Variants in MIER1 observed in about 807,000 individuals in gnomAD.
MIER1 encodes the protein MIER1 transcriptional regulator.
Under a neutral mutation model 75.7 loss-of-function variants are expected in MIER1, and 40 were observed. The observed-to-expected ratio is 0.53, with a 90% CI of 0.41 to 0.69. MIER1 has a LOEUF of 0.69. Ranked by LOEUF, MIER1 falls within the 30% of genes least tolerant of loss-of-function variation. MIER1 has a pLI of 0.00. For missense variants in MIER1, 574 were observed against 680.2 expected (o/e 0.84, Z 1.74); for synonymous variants, 213 against 223.4 (o/e 0.95, Z 0.42).
intron 2 of MIER1, chr1:66,929,158 A>T: frequency 1.6e-6 from 1 of 633,886 alleles, no homozygotes; most frequent in Non-Finnish European, 2.8e-6. Flanking sequence ...TAAGTTAAGT[A>T]TTAACTTTAA....
intron 4 of MIER1, 117 bp from the exon 5 acceptor site, chr1:66,957,942 C>A: frequency 9.8e-6 from 5 of 512,780 alleles, no homozygotes; most frequent in Non-Finnish European, 1.6e-5. Context: ...TCCGAGAATT[C>A]GTAACACAGC....
At chr1:66,925,446 A>T (rs767595674) in intron 1 of MIER1, 55 of 985,120 alleles carry the variant, frequency 5.6e-5, no homozygotes, top group Non-Finnish European at 6.3e-5. Context: ...TAAGCTGACC[A>T]CCCTGCTGTG....
Position 66,976,619 on chromosome 1 carries a change from T to C in MIER1, c.1126T>C (p.Cys376Arg). ...GGTCCGAACAAGGTCAGTTGGTGAA[T>C]GTGTAGCATTCTATTACATGTGGAA... ...NKVRTRSVGE[C>R]VAFYYMWKKS... Residue 376 changes from cysteine (C) to arginine (R), a missense_variant, in exon 12 of 14, where the codon TGT becomes CGT. By Grantham distance (180) the Cys-to-Arg change is radical. Transcript: ENST00000401041. The C allele has an allele frequency of 6.2e-7, 1 of 1,601,422 alleles. No homozygotes were observed. The highest frequency in any genetic ancestry group is 8.5e-7 in the Non-Finnish European group (1 of 1,175,104).
chr1:66,958,220 A>ATCAAAATAAAAG lies in MIER1; in HGVS notation c.501_501+1insTCAAAATAAAAG (p.Lys167_Glu168insSerLysTer), dbSNP rs757472477. On this transcript the variant is annotated stop_gained and inframe_insertion and splice_region_variant. Coordinates refer to ENST00000401041, the MANE Select transcript of MIER1 (RefSeq NM_001077700.3). LOFTEE classifies it high-confidence loss of function. Reference sequence around the variant, plus strand: ...ACAGTGGCTGTAGTGGGGAAAATAAAGTAAGTCTATATACATATATTTAAG... The same window carrying ATCAAAATAAAAG: ...ACAGTGGCTGTAGTGGGGAAAATAAATCAAAATAAAAGGTAAGTCTATATACATATATTTAAG... The ATCAAAATAAAAG allele has an allele frequency of 6.3e-7, 1 of 1,597,636 alleles. No individual in the cohort carries two copies. Among genetic ancestry groups the ATCAAAATAAAAG allele is most frequent in the South Asian group, 1.1e-5 (1 of 90,522 alleles).
chr1:66,954,425 G>T (rs1355248555), intron 4 of MIER1, among the ~76,000 whole-genome samples: 1 of 152,144 alleles, frequency 6.6e-6, no homozygotes, highest in African/African-American at 2.4e-5. Context: ...GTAATGTATG[G>T]CCTTCTGAAA....
chr1:66,977,980 C>T (rs528359705), intron 12 of MIER1, among the ~76,000 whole-genome samples: 1 of 152,008 alleles, frequency 6.6e-6, no homozygotes, highest in African/African-American at 2.4e-5. Context: ...GGGTGGATCA[C>T]AAGGTCAGGA....
rs562478035 is a variant in MIER1, at chr1:66,945,886, G to A, written c.194-264G>A. Among the ~76,000 whole-genome samples, 18 of 152,180 alleles carry A rather than the reference G, an allele frequency of 1.2e-4. No homozygotes were observed. In the East Asian group the frequency reaches 1.5e-3, roughly 13 times the overall value. ...AAAGAATTGAGACTTTTTTCCACACGAAAAGCCTGTTCTTATTTGATATGA... is the reference window on the plus strand; with the variant it reads ...AAAGAATTGAGACTTTTTTCCACACAAAAAGCCTGTTCTTATTTGATATGA... On this transcript the variant is annotated intron_variant, in intron 3 of 13. Transcript: ENST00000401041.
intron 4 of MIER1, among the ~76,000 whole-genome samples, chr1:66,948,922 A>T (rs545548058): frequency 6.7e-4 from 102 of 152,296 alleles, no homozygotes; most frequent in African/African-American, 2.1e-3. Flanking sequence ...TTTATTTTTC[A>T]GAGACTGTGT....
intron 4 of MIER1, among the ~76,000 whole-genome samples, chr1:66,954,406 G>C (rs890262585): frequency 6.6e-6 from 1 of 152,130 alleles, no homozygotes; most frequent in Non-Finnish European, 1.5e-5. Flanking sequence ...ATCTATAACT[G>C]ATCTTTCAGT....
intron 3 of MIER1, among the ~76,000 whole-genome samples, chr1:66,945,267 G>GTGTATATA (rs1244341605): frequency 1.1e-4 from 16 of 141,888 alleles, no homozygotes; most frequent in Non-Finnish European, 2.0e-4. Context: ...TCTGGTGTGT[G>GTGTATATA]TATATATATA....
intron 8 of MIER1, among the ~76,000 whole-genome samples, chr1:66,969,012 T>C (rs1663006243): frequency 6.6e-6 from 1 of 152,168 alleles, no homozygotes; most frequent in African/African-American, 2.4e-5. Flanking sequence ...GAGCAGAGAA[T>C]AGAAATCAAT....
At chr1:66,952,285 C>T (rs567740073) in intron 4 of MIER1, among the ~76,000 whole-genome samples, 13 of 152,288 alleles carry the variant, frequency 8.5e-5, no homozygotes, top group Non-Finnish European at 1.8e-4. Flanking sequence ...AGAATGCAGA[C>T]TTTGGTAATA....
chr1:66,952,845 A>G (rs868738143), intron 4 of MIER1, among the ~76,000 whole-genome samples: 1 of 152,154 alleles, frequency 6.6e-6, no homozygotes, highest in African/African-American at 2.4e-5. Flanking sequence ...GTGTTTCGCC[A>G]TGTTGCCCAG....
At chr1:66,927,039 G>A (rs1222480127) in intron 2 of MIER1, among the ~76,000 whole-genome samples, 1 of 152,156 alleles carries the variant, frequency 6.6e-6, no homozygotes, top group African/African-American at 2.4e-5. Flanking sequence ...TTAAGGTACT[G>A]GTTGAAGTAA....
intron 7 of MIER1, among the ~76,000 whole-genome samples, chr1:66,961,941 G>C (rs1420037980): frequency 6.6e-6 from 1 of 152,222 alleles, no homozygotes; most frequent in Non-Finnish European, 1.5e-5. Context: ...CGTCTTTGAA[G>C]TTGTACTGGA....
Position 66,968,434 on chromosome 1 carries a change from CT to C in MIER1, c.773-2364del, listed in dbSNP as rs35832076. 6.2e-3 allele frequency among the ~76,000 whole-genome samples: 927 copies of C among 148,990 alleles called. 7 individuals are homozygous for C. Among genetic ancestry groups the C allele is most frequent in the African/African-American group, 0.021 (854 of 40,738 alleles). On this transcript the variant is annotated intron_variant, in intron 8 of 13. Transcript: ENST00000401041. ...TTTTCATCAGTTTTGTGAACACAGA[CT>C]TTTTTTTTTAAGTGCCACAAAACTA...
rs1558134015 is a variant in MIER1, at chr1:66,986,440, C to CA, written c.*1541dup. On this transcript the variant is annotated 3_prime_UTR_variant, in exon 14 of 14. Coordinates refer to ENST00000401041, the MANE Select transcript of MIER1 (RefSeq NM_001077700.3). ...TGCTTCTTCCAGTTCATTTTTCAGC[C>CA]ATCAGTTCAAGAGCCAATGCCTTTT... 1 of 1,612,518 alleles carries CA rather than the reference C, an allele frequency of 6.2e-7. No homozygotes were observed. Among genetic ancestry groups the CA allele is most frequent in the Non-Finnish European group, 8.5e-7 (1 of 1,179,262 alleles).
intron 2 of MIER1, among the ~76,000 whole-genome samples, chr1:66,927,803 T>C (rs1652188715): frequency 1.3e-5 from 2 of 152,128 alleles, no homozygotes; most frequent in African/African-American, 4.8e-5. Context: ...AGTAGAAGCA[T>C]GATGAGAGAT....
intron 2 of MIER1, among the ~76,000 whole-genome samples, chr1:66,935,386 C>G (rs1433737304): frequency 6.6e-6 from 1 of 152,206 alleles, no homozygotes; most frequent in Non-Finnish European, 1.5e-5. Flanking sequence ...CATTCATACT[C>G]TGTGTACAGT....
Sources: allele counts gnomAD v4.1 joint callset (sites outside exome capture counted in the v4.1 genomes callset), GRCh38; gene constraint gnomAD v4.1.1; transcripts MANE v1.5; gene names NCBI Gene and HGNC (gene_info 2026-07-23, HGNC 2026-07-21).